Variants in UGT8 observed in about 807,000 individuals in gnomAD.
UGT8 encodes 2-hydroxyacylsphingosine 1-beta-galactosyltransferase.
In UGT8, 12 loss-of-function variants were observed where a neutral mutation model predicts 40.5. That is an observed-to-expected ratio of 0.30 (90% CI 0.19 to 0.48). UGT8 has a LOEUF of 0.48. Among genes scored for constraint, UGT8 ranks in the 20% least tolerant of loss-of-function variants. The pLI, the probability that UGT8 is intolerant of heterozygous loss-of-function variation, is 0.99. For synonymous variants in UGT8, 224 were observed against 240.4 expected, an observed-to-expected ratio of 0.93 and a Z score of 0.63; for missense variants, 513 against 648.7, an observed-to-expected ratio of 0.79 and a Z score of 2.27.
chr4:114,661,153 A>G (rs13133899), intron 2 of UGT8, among the ~76,000 whole-genome samples: 22,027 of 152,066 alleles, frequency 0.14, 2,080 homozygotes, highest in Middle Eastern at 0.19. Flanking sequence ...TTTTGTTGCT[A>G]TTATAAATGA....
chr4:114,635,013 T>A (rs1019895766), intron 2 of UGT8, among the ~76,000 whole-genome samples: 1 of 151,882 alleles, frequency 6.6e-6, no homozygotes, highest in African/African-American at 2.4e-5. Flanking sequence ...TTTTACAATT[T>A]GTGTACTAGT....
intron 2 of UGT8, among the ~76,000 whole-genome samples, chr4:114,643,446 G>C (rs1171792224): frequency 6.6e-6 from 1 of 152,098 alleles, no homozygotes; most frequent in African/African-American, 2.4e-5. Context: ...CTGATAAAGA[G>C]AAACTTATGG....
Position 114,665,703 on chromosome 4 carries a change from A to C in UGT8, c.989A>C (p.Asn330Thr). The change falls in exon 4 of 6, where the codon AAT (asparagine) becomes ACT (threonine). Residue 330 changes from asparagine to threonine, a missense_variant. Transcript: ENST00000310836. ...AGGTTTTCTGGACCCAAACCAAAGA[A>C]TCTAGGAAACAACACTAAACTCATA... Reference protein sequence around the residue: ...IWRFSGPKPKNLGNNTKLIEW... With the variant: ...IWRFSGPKPKTLGNNTKLIEW... 1 of 1,608,584 alleles carries C rather than the reference A, an allele frequency of 6.2e-7. No homozygotes were observed. The highest frequency in any genetic ancestry group is 8.5e-7 in the Non-Finnish European group (1 of 1,177,806).
At chr4:114,673,686 C>T (rs1735443954) in intron 5 of UGT8, among the ~76,000 whole-genome samples, 1 of 152,098 alleles carries the variant, frequency 6.6e-6, no homozygotes, top group East Asian at 1.9e-4. Context: ...TGTTTTTATC[C>T]TTCTTTTCCA....
At chr4:114,673,502 G>T (rs1735432209) in intron 5 of UGT8, among the ~76,000 whole-genome samples, 1 of 152,176 alleles carries the variant, frequency 6.6e-6, no homozygotes, top group Non-Finnish European at 1.5e-5. Context: ...GAGCTTTTCT[G>T]ATAATTAGTG....
At chr4:114,661,167 A>G (rs1734508641) in intron 2 of UGT8, among the ~76,000 whole-genome samples, 3 of 152,158 alleles carry the variant, frequency 2.0e-5, no homozygotes, top group Admixed American at 1.3e-4. Flanking sequence ...TAAATGAATT[A>G]TTTAGTCCAG....
At chr4:114,666,061 A>G (rs1734850366) in intron 4 of UGT8, among the ~76,000 whole-genome samples, 1 of 152,152 alleles carries the variant, frequency 6.6e-6, no homozygotes, top group Non-Finnish European at 1.5e-5. Flanking sequence ...ATAAATTAGT[A>G]GTGAATAAGA....
intron 5 of UGT8, 123 bp downstream of exon 5, chr4:114,668,427 G>A: frequency 1.2e-6 from 1 of 850,246 alleles, no homozygotes; most frequent in Non-Finnish European, 1.8e-6. Context: ...TTAGATTCCT[G>A]TGATAATGCT....
At chr4:114,657,024 A>G (rs1380257676) in intron 2 of UGT8, among the ~76,000 whole-genome samples, 1 of 152,170 alleles carries the variant, frequency 6.6e-6, no homozygotes, top group Non-Finnish European at 1.5e-5. Context: ...TTCCAAGTCC[A>G]TTAATCAAAT....
At chr4:114,667,967 G>C in intron 4 of UGT8, 118 bp from the exon 5 acceptor site, 1 of 1,455,328 alleles carries the variant, frequency 6.9e-7, no homozygotes, top group South Asian at 1.5e-5. Flanking sequence ...TACACCTTTA[G>C]GAATCCTTTA....
intron 2 of UGT8, among the ~76,000 whole-genome samples, chr4:114,637,960 C>T (rs370289774): frequency 4.6e-5 from 7 of 152,254 alleles, no homozygotes; most frequent in African/African-American, 1.4e-4. Context: ...GGCTAAAATA[C>T]GTAACCTCAT....
chr4:114,669,762 G>A (rs1353984385), intron 5 of UGT8, among the ~76,000 whole-genome samples: 1 of 152,140 alleles, frequency 6.6e-6, no homozygotes, highest in Non-Finnish European at 1.5e-5. Context: ...ATTCCCAAAA[G>A]TATGCACATC....
intron 1 of UGT8, among the ~76,000 whole-genome samples, chr4:114,618,496 G>A (rs138781965): frequency 2.6e-5 from 4 of 152,256 alleles, no homozygotes; most frequent in Middle Eastern, 3.4e-3. Context: ...CAGAACTCAT[G>A]TGTATTTATT....
In UGT8 at chr4:114,623,616, G is replaced by A. The variant is rs760771718; in HGVS notation, c.736G>A (p.Val246Ile). The stretch of plus-strand genomic sequence containing the variant: ...CAGCCTGTGGATGCTGTGTACTGAC[G>A]TAGCACTGGAATTCCCAAGACCCAC... ...GSSLWMLCTD[V>I]ALEFPRPTLP... The change falls in exon 2 of 6, where the codon GTA (valine) becomes ATA (isoleucine). Residue 246 changes from valine to isoleucine, a missense_variant. By Grantham distance (29) the Val-to-Ile change is conservative (BLOSUM62 3). Transcript: ENST00000310836. The A allele has an allele frequency of 8.1e-6, 13 of 1,613,950 alleles. No homozygotes were observed. The highest frequency in any genetic ancestry group is 4.5e-5 in the East Asian group (2 of 44,888).
In UGT8 at chr4:114,676,012, T is replaced by G. The variant is rs754712627; in HGVS notation, c.1350T>G (p.Tyr450Ter). ...PVNRTIYWID[Y>*]IIRHNGAHHL... ...ATCGAACTATCTATTGGATAGATTA[T>G]ATTATTCGTCACAATGGAGCCCATC... Residue 450 changes from tyrosine to a stop codon, truncating the protein, a stop_gained, in exon 6 of 6, where the codon TAT (tyrosine) becomes TAG (stop). Coordinates refer to ENST00000310836, the MANE Select transcript of UGT8 (RefSeq NM_001128174.3). LOFTEE classifies it high-confidence loss of function. The G allele has an allele frequency of 6.2e-7, 1 of 1,614,214 alleles. No individual in the cohort carries two copies. The highest frequency in any genetic ancestry group is 8.5e-7 in the Non-Finnish European group (1 of 1,180,034).
intron 1 of UGT8, among the ~76,000 whole-genome samples, chr4:114,601,417 G>C (rs1381244322): frequency 3.3e-5 from 5 of 151,854 alleles, no homozygotes; most frequent in Admixed American, 2.6e-4. Flanking sequence ...ATTCATACTA[G>C]GATTTTCCAA....
chr4:114,603,652 C>T (rs925437609), intron 1 of UGT8, among the ~76,000 whole-genome samples: 1 of 152,058 alleles, frequency 6.6e-6, no homozygotes, highest in African/African-American at 2.4e-5. Flanking sequence ...GTTCCCACCC[C>T]CTCTCGAGCC....
chr4:114,619,109 A>T (rs1442787981), intron 1 of UGT8, among the ~76,000 whole-genome samples: 1 of 152,116 alleles, frequency 6.6e-6, no homozygotes, highest in Admixed American at 6.5e-5. Flanking sequence ...TCCAATGAAC[A>T]TAGGTATAAT....
intron 2 of UGT8, among the ~76,000 whole-genome samples, chr4:114,628,107 C>T (rs1321053214): frequency 6.6e-6 from 1 of 151,922 alleles, no homozygotes; most frequent in Non-Finnish European, 1.5e-5. Context: ...CATTAAGCAA[C>T]CCAAAAATCC....
Sources: gnomAD v4.1 joint callset for allele counts (sites outside exome capture counted in the v4.1 genomes callset) on GRCh38, gnomAD v4.1.1 for gene constraint, MANE v1.5 for transcripts, NCBI Gene and HGNC (gene_info 2026-07-23, HGNC 2026-07-21) for gene names.